Variants in ELAVL4 observed in about 807,000 individuals in gnomAD.
ELAVL4 encodes ELAV-like protein 4.
Under a neutral mutation model 35.6 loss-of-function variants are expected in ELAVL4, and 1 was observed. That is an observed-to-expected ratio of 0.03 (90% CI 0.01 to 0.13). ELAVL4 has a LOEUF of 0.13. Ranked by LOEUF, ELAVL4 falls within the 10% of genes least tolerant of loss-of-function variation. The pLI is 1.00. For missense variants in ELAVL4, 267 were observed against 464.9 expected (o/e 0.57, Z 3.91); for synonymous variants, 156 against 171.0 (o/e 0.91, Z 0.69).
intron 1 of ELAVL4, among the ~76,000 whole-genome samples, chr1:50,110,244 G>A (rs1666840113): frequency 6.6e-6 from 1 of 152,108 alleles, no homozygotes; most frequent in Non-Finnish European, 1.5e-5. Flanking sequence ...TGTCTTTTTT[G>A]ACAATCAATG....
rs1644440174 is a variant in ELAVL4, at chr1:50,202,835, G to A, written c.*1657G>A. ...GTGTAGAACTATTCTTTGATATATT[G>A]TCATGTTTGTTGTGAATATTTTTTC... On this transcript the variant is annotated 3_prime_UTR_variant, in exon 7 of 7. Transcript: ENST00000371824. 1 of 152,028 alleles carries A rather than the reference G, an allele frequency of 6.6e-6. No homozygotes were observed. The highest frequency in any genetic ancestry group is 1.5e-5 in the Non-Finnish European group (1 of 67,986). 9.4% of individuals were successfully genotyped at this position (152,028 alleles called of 1,614,324 possible).
chr1:50,171,085 C>A (rs1343073781), intron 2 of ELAVL4, among the ~76,000 whole-genome samples: 1 of 152,068 alleles, frequency 6.6e-6, no homozygotes, highest in African/African-American at 2.4e-5. Flanking sequence ...GTGTGAATGA[C>A]CAAAAGAAAA....
chr1:50,126,178 A>G (rs1669882924), intron 1 of ELAVL4, among the ~76,000 whole-genome samples: 1 of 152,130 alleles, frequency 6.6e-6, no homozygotes, highest in Admixed American at 6.6e-5. Flanking sequence ...CTTTCAAAAA[A>G]GTGAGCAGAT....
intron 2 of ELAVL4, among the ~76,000 whole-genome samples, chr1:50,159,475 G>A (rs928367640): frequency 6.6e-6 from 1 of 152,114 alleles, no homozygotes; most frequent in Non-Finnish European, 1.5e-5. Flanking sequence ...TGGGCTTTGT[G>A]GTGGGTGCCT....
chr1:50,059,495 C>T (rs1295448801), intron 1 of ELAVL4, among the ~76,000 whole-genome samples: 1 of 151,842 alleles, frequency 6.6e-6, no homozygotes, highest in Non-Finnish European at 1.5e-5. Context: ...TGAGATACCA[C>T]TTTACACCTA....
Position 50,079,371 on chromosome 1 carries a change from G to A in ELAVL4, c.18+31189G>A, listed in dbSNP as rs114494958. 2.8e-3 allele frequency among the ~76,000 whole-genome samples: 433 copies of A among 152,304 alleles called. 1 individual carries two copies. The highest frequency in any genetic ancestry group is 5.0e-3 in the South Asian group (24 of 4,822). On this transcript the variant is annotated intron_variant, in intron 1 of 6. Coordinates refer to the ELAVL4 transcript ENST00000448907. Reference sequence around the variant, plus strand: ...AAGAGAAGGGAAGGAAGCAGGATCAGGCAAAGGGAGAAGAGAGGTTACAGT... The same window carrying A: ...AAGAGAAGGGAAGGAAGCAGGATCAAGCAAAGGGAGAAGAGAGGTTACAGT...
rs182008513 is a variant in ELAVL4, at chr1:50,177,275, G to T, written c.354+83G>T. 5.0e-5 allele frequency: 51 copies of T among 1,025,494 alleles called. No individual in the cohort carries two copies. The East Asian group carries it at 9.9e-4, about 20-fold the overall frequency. 63.5% of individuals were successfully genotyped at this position (1,025,494 alleles called of 1,614,324 possible). ...TGATCTGGTAAATCCAGGCTATGTG[G>T]GGGCTGGAAGCAGTGTTCTTGATTT... is the stretch of plus-strand genomic sequence containing the variant. On this transcript the variant is annotated intron_variant, in intron 3 of 6. Transcript: ENST00000371824.
chr1:50,174,287 T>G (rs1022791557), intron 2 of ELAVL4: 2 of 152,206 alleles, frequency 1.3e-5, no homozygotes, highest in Non-Finnish European at 2.9e-5. Context: ...GTTCATGAAC[T>G]AGGCTAACCA....
chr1:50,137,329 G>A (rs1672049220), intron 1 of ELAVL4, among the ~76,000 whole-genome samples: 1 of 152,096 alleles, frequency 6.6e-6, no homozygotes, highest in South Asian at 2.1e-4. Flanking sequence ...TGTAACTCTA[G>A]CCTGATTGCC....
chr1:50,053,542 GTCTC>G (rs1318407466), intron 1 of ELAVL4, among the ~76,000 whole-genome samples: 1 of 152,044 alleles, frequency 6.6e-6, no homozygotes, highest in African/African-American at 2.4e-5. Context: ...TAGAGACAGG[GTCTC>G]TCTATGTTGC....
rs932378957 is a variant in ELAVL4 at position 50,048,256 on chromosome 1, G to A, written c.18+74G>A. The A allele has an allele frequency of 1.9e-5, 27 of 1,421,950 alleles. No homozygotes were observed. In the African/African-American group the frequency reaches 4.0e-4, roughly 21 times the overall value. 88.1% of individuals were successfully genotyped at this position (1,421,950 alleles called of 1,614,324 possible). Reference sequence around the variant, plus strand: ...CTGTTACGGACACCCGCTGGGCCACGTGGTCGCGACTGGCTTCTCCCAGCG... The same window carrying A: ...CTGTTACGGACACCCGCTGGGCCACATGGTCGCGACTGGCTTCTCCCAGCG... On this transcript the variant is annotated intron_variant, in intron 1 of 6. Transcript: ENST00000448907.
chr1:50,049,223 C>T (rs1467806777), intron 1 of ELAVL4, among the ~76,000 whole-genome samples: 1 of 152,218 alleles, frequency 6.6e-6, no homozygotes, highest in African/African-American at 2.4e-5. Flanking sequence ...TATCCATGCC[C>T]CTTACCTAAA....
chr1:50,144,288 A>T (rs1673312080), intron 1 of ELAVL4, among the ~76,000 whole-genome samples: 1 of 152,150 alleles, frequency 6.6e-6, no homozygotes, highest in Non-Finnish European at 1.5e-5. Context: ...CCTAACGTGG[A>T]GACCTAGAGA....
intron 1 of ELAVL4, among the ~76,000 whole-genome samples, chr1:50,118,247 TC>T (rs1237156138): frequency 3.3e-5 from 5 of 152,110 alleles, no homozygotes; most frequent in African/African-American, 9.7e-5. Flanking sequence ...TTTCCTCCTT[TC>T]CCCTTGTTTT....
At chr1:50,101,414 G>T (rs1307647930), upstream of ELAVL4, among the ~76,000 whole-genome samples, 1 of 152,094 alleles carries the variant, frequency 6.6e-6, no homozygotes, top group Non-Finnish European at 1.5e-5. Context: ...TATAATAATA[G>T]ATTAAATGAG....
At position 50,201,037 on chromosome 1, in the gene ELAVL4, C is replaced by T. The variant is rs1644367536; in HGVS notation, c.960C>T (p.Thr320=). 1 of 1,614,052 alleles carries T rather than the reference C, an allele frequency of 6.2e-7. No homozygotes were observed. The highest frequency in any genetic ancestry group is 2.2e-5 in the East Asian group (1 of 44,880). Residue 320 remains threonine, a synonymous_variant, in exon 7 of 7, where the codon ACC becomes ACT. Transcript: ENST00000371824. The surrounding 1 kb of genome is among the most constrained non-coding windows in gnomAD (Gnocchi z 4.3). ...NNVKVIRDFN[T]NKCKGFGFVT... ...TAAAGGTGATTCGTGACTTCAACAC[C>T]AACAAGTGCAAGGGATTCGGCTTTG...
At chr1:50,110,259 C>T (rs1241191726) in intron 1 of ELAVL4, among the ~76,000 whole-genome samples, 1 of 152,110 alleles carries the variant, frequency 6.6e-6, no homozygotes, top group Non-Finnish European at 1.5e-5. Context: ...TCAATGTCAC[C>T]GTCACTGTTG....
rs372699609 is a variant in ELAVL4 at position 50,093,949 on chromosome 1, T to C, written c.18+45767T>C. 1.5e-3 allele frequency among the ~76,000 whole-genome samples: 227 copies of C among 152,342 alleles called. 1 individual carries two copies. The highest frequency in any genetic ancestry group is 5.1e-3 in the African/African-American group (213 of 41,594). On this transcript the variant is annotated intron_variant, in intron 1 of 6. Coordinates refer to the ELAVL4 transcript ENST00000448907. ...TTTTCCTTATATGTCAATGCAGAGA[T>C]AATAATAACAGTACCTACCTTATAG... is the stretch of plus-strand genomic sequence containing the variant.
At chr1:50,115,834 C>A (rs1458373947) in intron 1 of ELAVL4, among the ~76,000 whole-genome samples, 2 of 152,040 alleles carry the variant, frequency 1.3e-5, no homozygotes, top group Non-Finnish European at 2.9e-5. Context: ...TTCTTTGGAA[C>A]GTGGAATCCA....
Sources: allele counts gnomAD v4.1 joint callset (sites outside exome capture counted in the v4.1 genomes callset), GRCh38; gene constraint gnomAD v4.1.1; non-coding constraint Gnocchi (gnomAD v3.1); transcripts MANE v1.5; gene names NCBI Gene and HGNC (gene_info 2026-07-23, HGNC 2026-07-21).